The following SLC25A42 variants were observed in gnomAD, a reference collection of about 807,000 sequenced individuals.
The protein encoded by SLC25A42 is solute carrier family 25 member 42.
SLC25A42 carries 19 observed loss-of-function variants against 34.7 expected under a neutral mutation model. That is an observed-to-expected ratio of 0.55 (90% CI 0.38 to 0.80). SLC25A42 has a LOEUF of 0.80. Among genes scored for constraint, SLC25A42 ranks in the 30% least tolerant of loss-of-function variants. SLC25A42 has a pLI of 0.00. For missense variants in SLC25A42, 364 were observed against 441.3 expected, an observed-to-expected ratio of 0.82 and a Z score of 1.57; for synonymous variants, 205 against 191.2, an observed-to-expected ratio of 1.07 and a Z score of -0.59.
chr19:19,101,934 C>T (rs1488448715), intron 3 of SLC25A42, 48 bp downstream of exon 3: 3 of 1,314,948 alleles, frequency 2.3e-6, no homozygotes, highest in South Asian at 2.5e-5. Context: ...CAGGCGGTCA[C>T]CTCCTCCTTC....
At chr19:19,101,684 C>A in intron 2 of SLC25A42, 97 bp from the exon 3 acceptor site, 1 of 1,098,360 alleles carries the variant, frequency 9.1e-7, no homozygotes, top group Non-Finnish European at 1.3e-6. Context: ...ATCCCTCGGC[C>A]CCGGCCCAGA....
chr19:19,105,427 G>A (rs950734024), intron 4 of SLC25A42, 134 bp from the exon 5 acceptor site: 1 of 1,011,928 alleles, frequency 9.9e-7, no homozygotes, highest in South Asian at 1.7e-5. Context: ...ACATGGGGGT[G>A]GGGTTATGTG....
chr19:19,099,651 G>A (rs902353084), intron 2 of SLC25A42, among the ~76,000 whole-genome samples: 3 of 152,086 alleles, frequency 2.0e-5, no homozygotes, highest in Non-Finnish European at 2.9e-5. Context: ...TGAGTAGTGC[G>A]CCACATCCCT....
At chr19:19,064,314 C>T (rs1000872503) in intron 1 of SLC25A42, among the ~76,000 whole-genome samples, 199 bp downstream of exon 1, 14 of 151,850 alleles carry the variant, frequency 9.2e-5, no homozygotes, top group African/African-American at 3.1e-4. Flanking sequence ...CGTCCCTTTT[C>T]GTTGACATCC....
chr19:19,107,078 G>A (rs2059835037), intron 6 of SLC25A42: 1 of 152,796 alleles, frequency 6.5e-6, no homozygotes, highest in African/African-American at 2.4e-5. Flanking sequence ...AGCACTTTGG[G>A]AGGCCAAGGC....
intron 7 of SLC25A42, among the ~76,000 whole-genome samples, 180 bp from the exon 8 acceptor site, chr19:19,110,389 G>A (rs1014007436): frequency 6.6e-5 from 10 of 152,292 alleles, no homozygotes; most frequent in Non-Finnish European, 1.3e-4. Flanking sequence ...TGAAAGGAGC[G>A]ACCCGGAGGT....
chr19:19,076,033 T>C (rs2059654243), intron 1 of SLC25A42, among the ~76,000 whole-genome samples: 1 of 152,122 alleles, frequency 6.6e-6, no homozygotes, highest in Non-Finnish European at 1.5e-5. Flanking sequence ...AGCCCCACTT[T>C]CTTCTCCACA....
rs2059858827 is a variant in SLC25A42, at chr19:19,110,678, C to T, written c.759C>T (p.Arg253=). 7 of 1,569,926 alleles carry T rather than the reference C, an allele frequency of 4.5e-6. No homozygotes were observed. The highest frequency in any genetic ancestry group is 6.0e-6 in the Non-Finnish European group (7 of 1,158,904). Residue 253 remains arginine, a synonymous_variant, in exon 8 of 8, where the codon CGC becomes CGT. Transcript: ENST00000318596. ...ASYPLDVVRR[R]MQTAGVTGYP... ...ACCCGCTGGATGTGGTGCGGCGGCG[C>T]ATGCAGACGGCCGGCGTCACGGGCT...
At chr19:19,091,699 A>G (rs1371376132) in intron 1 of SLC25A42, among the ~76,000 whole-genome samples, 1 of 152,096 alleles carries the variant, frequency 6.6e-6, no homozygotes, top group Admixed American at 6.6e-5. Context: ...CAACATAAGG[A>G]GACCCTGTCT....
intron 2 of SLC25A42, among the ~76,000 whole-genome samples, chr19:19,099,797 G>A (rs1599684313): frequency 6.6e-6 from 1 of 151,788 alleles, no homozygotes; most frequent in African/African-American, 2.4e-5. Flanking sequence ...GTGCAATCAC[G>A]GCTCACTGCA....
intron 3 of SLC25A42, among the ~76,000 whole-genome samples, chr19:19,102,409 C>T (rs1242734487): frequency 6.6e-6 from 1 of 152,070 alleles, no homozygotes; most frequent in African/African-American, 2.4e-5. Flanking sequence ...TATGGGTGTG[C>T]TCCACTGCAC....
intron 7 of SLC25A42, 77 bp downstream of exon 7, chr19:19,108,122 T>C (rs1251504678): frequency 4.0e-6 from 6 of 1,492,564 alleles, no homozygotes; most frequent in South Asian, 2.7e-5. Context: ...CTGGGTCACA[T>C]AGACCTGGAG....
chr19:19,100,136 A>G (rs2059787072), intron 2 of SLC25A42, among the ~76,000 whole-genome samples: 4 of 151,800 alleles, frequency 2.6e-5, no homozygotes, highest in Admixed American at 6.6e-5. Context: ...GAGGCCAGGA[A>G]TTCGAGACCA....
intron 1 of SLC25A42, among the ~76,000 whole-genome samples, chr19:19,066,001 C>T (rs2059600185): frequency 6.6e-6 from 1 of 152,068 alleles, no homozygotes; most frequent in Non-Finnish European, 1.5e-5. Context: ...GGATTACAGG[C>T]ATGTGCCACC....
intron 3 of SLC25A42, among the ~76,000 whole-genome samples, chr19:19,102,183 G>C (rs2059801033): frequency 6.6e-6 from 1 of 151,500 alleles, no homozygotes; most frequent in Admixed American, 6.6e-5. Flanking sequence ...CAATTTTTTT[G>C]TATTTTTAGT....
At position 19,102,658 on chromosome 19, in the gene SLC25A42, C is replaced by T. The variant is rs551265682; in HGVS notation, c.187+772C>T. Among the ~76,000 whole-genome samples the T allele has an allele frequency of 2.6e-5, 4 of 152,060 alleles. No individual in the cohort carries two copies. In the South Asian group the frequency reaches 6.2e-4, roughly 24 times the overall value. The stretch of plus-strand genomic sequence containing the variant: ...ACTCTGGAGGCTGAGTCAGGAGAAT[C>T]GCTTGAACCTGGGAGGCGGAGGTTG... On this transcript the variant is annotated intron_variant, in intron 3 of 7. Transcript: ENST00000318596.
intron 1 of SLC25A42, among the ~76,000 whole-genome samples, chr19:19,089,852 G>C (rs2059728692): frequency 6.6e-6 from 1 of 152,204 alleles, no homozygotes; most frequent in Non-Finnish European, 1.5e-5. Flanking sequence ...CTGGGTGACA[G>C]AGCGAGACTC....
At chr19:19,065,258 G>C (rs994348556) in intron 1 of SLC25A42, among the ~76,000 whole-genome samples, 4 of 152,126 alleles carry the variant, frequency 2.6e-5, no homozygotes, top group Non-Finnish European at 5.9e-5. Context: ...GGATGCCGGA[G>C]AGGGGGTTGC....
Position 19,102,349 on chromosome 19 carries a change from G to A in SLC25A42, c.187+463G>A, listed in dbSNP as rs1042716059. Among the ~76,000 whole-genome samples, 3 of 152,006 alleles carry A rather than the reference G, an allele frequency of 2.0e-5. No homozygotes were observed. The South Asian group carries it at 6.2e-4, about 31-fold the overall frequency. On this transcript the variant is annotated intron_variant, in intron 3 of 7. Coordinates refer to ENST00000318596, the MANE Select transcript of SLC25A42 (RefSeq NM_178526.5). ...CTCTGTTGCCCAGGCTGGCTTCAAA[G>A]TCCTGGGCTCAAGTGATCCTCCTGC...
Sources: allele counts gnomAD v4.1 joint callset (sites outside exome capture counted in the v4.1 genomes callset), GRCh38; gene constraint gnomAD v4.1.1; transcripts MANE v1.5; gene names NCBI Gene and HGNC (gene_info 2026-07-23, HGNC 2026-07-21).